ITPRIP: variants seen among roughly 807,000 people sequenced by gnomAD.
The protein encoded by ITPRIP is inositol 1,4,5-trisphosphate receptor-interacting protein.
A neutral mutation model predicts 35.8 loss-of-function variants in ITPRIP; 32 were observed. That is an observed-to-expected ratio of 0.89 (90% CI 0.68 to 1.20). ITPRIP has a LOEUF of 1.20. Among genes scored for constraint, ITPRIP ranks in the 50% most tolerant of loss-of-function variants. ITPRIP has a pLI of 0.00. For missense variants in ITPRIP, 653 were observed against 735.6 expected (o/e 0.89, Z 1.30); for synonymous variants, 358 against 324.0 (o/e 1.11, Z -1.13).
At chr10:104,331,048 G>A (rs2014137269) in intron 1 of ITPRIP, among the ~76,000 whole-genome samples, 1 of 152,236 alleles carries the variant, frequency 6.6e-6, no homozygotes, top group African/African-American at 2.4e-5. Context: ...GAACTTATGA[G>A]ACTCCTTCTA....
intron 1 of ITPRIP, among the ~76,000 whole-genome samples, chr10:104,321,592 A>G (rs535490991): frequency 6.6e-6 from 1 of 152,218 alleles, no homozygotes; most frequent in East Asian, 1.9e-4. Context: ...AGCTTAATCC[A>G]ATAAACACCA....
chr10:104,332,083 G>A (rs771755374), intron 1 of ITPRIP, among the ~76,000 whole-genome samples: 20 of 152,202 alleles, frequency 1.3e-4, no homozygotes, highest in African/African-American at 4.1e-4. Flanking sequence ...GTTGTTGTCC[G>A]TTTGGGGCAA....
chr10:104,332,851 G>A (rs140314906), intron 1 of ITPRIP, among the ~76,000 whole-genome samples: 195 of 152,284 alleles, frequency 1.3e-3, no homozygotes, highest in African/African-American at 4.3e-3. Flanking sequence ...ACTGTGAGAC[G>A]GGATTCCTAT....
intron 1 of ITPRIP, among the ~76,000 whole-genome samples, chr10:104,331,417 A>G (rs1035950955): frequency 1.3e-5 from 2 of 152,180 alleles, no homozygotes; most frequent in East Asian, 1.9e-4. Context: ...TTATGAGCAC[A>G]TGGTTTTGCA....
At position 104,315,896 on chromosome 10, in the gene ITPRIP, C is replaced by T. The variant is rs939824827; in HGVS notation, c.156G>A (p.Gln52=). Reference sequence around the variant, plus strand: ...GAGCCACCTCCTCCTCCAGGCGCAACTGCTCCAGCTGCAGCTTCTCCTGGT... The same window carrying T: ...GAGCCACCTCCTCCTCCAGGCGCAATTGCTCCAGCTGCAGCTTCTCCTGGT... The part of the protein sequence containing the change: ...QAHQEKLQLE[Q]LRLEEEVARL... Residue 52 remains glutamine (Q), a synonymous_variant, in exon 2 of 2, where the codon CAG becomes CAA. Coordinates refer to ENST00000337478, the MANE Select transcript of ITPRIP (RefSeq NM_001272013.2). The surrounding 1 kb of genome is among the most constrained non-coding windows in gnomAD (Gnocchi z 5.7). 6.2e-7 allele frequency: 1 copy of T among 1,613,844 alleles called. No homozygotes were observed. Among genetic ancestry groups the T allele is most frequent in the African/African-American group, 1.3e-5 (1 of 74,946 alleles).
chr10:104,329,475 A>T (rs2014106025), intron 1 of ITPRIP, among the ~76,000 whole-genome samples: 1 of 152,268 alleles, frequency 6.6e-6, no homozygotes, highest in African/African-American at 2.4e-5. Flanking sequence ...CGGGTGCTCC[A>T]CCGAGGCTGT....
intron 1 of ITPRIP, among the ~76,000 whole-genome samples, chr10:104,324,561 C>CT (rs2013939872): frequency 6.6e-6 from 1 of 152,196 alleles, no homozygotes; most frequent in Non-Finnish European, 1.5e-5. Context: ...CCCTCTCCCA[C>CT]TGGGCAGGAC....
chr10:104,330,846 A>C lies in ITPRIP; in HGVS notation c.-14+7400T>G, dbSNP rs1025594522. On this transcript the variant is annotated intron_variant, in intron 1 of 1. Coordinates refer to ENST00000337478, the MANE Select transcript of ITPRIP (RefSeq NM_001272013.2). ...CACTCACCAACATCATAGAGCCAGG[A>C]TCTGAATCCAAACCTATCTGACTTT... Among the ~76,000 whole-genome samples the C allele has an allele frequency of 6.8e-4, 104 of 152,256 alleles. 2 individuals carry two copies. The highest frequency in any genetic ancestry group is 2.9e-4 in the Non-Finnish European group (20 of 68,052).
Position 104,314,403 on chromosome 10 carries a change from A to G in ITPRIP, c.*5T>C. On this transcript the variant is annotated 3_prime_UTR_variant, in exon 2 of 2. Coordinates refer to ENST00000337478, the MANE Select transcript of ITPRIP (RefSeq NM_001272013.2). ...GCTCGAGGATCCCACATTCTGTAAA[A>G]GACGTCAGCTTTTTGGGGTAGGCTG... The G allele has an allele frequency of 6.2e-7, 1 of 1,601,704 alleles. No homozygotes were observed. Among genetic ancestry groups the G allele is most frequent in the East Asian group, 2.2e-5 (1 of 44,700 alleles).
intron 1 of ITPRIP, among the ~76,000 whole-genome samples, chr10:104,329,212 T>C (rs1388114169): frequency 6.6e-6 from 1 of 152,064 alleles, no homozygotes. Context: ...TTGCTTGTGC[T>C]CTGCTGCAAG....
intron 1 of ITPRIP, among the ~76,000 whole-genome samples, chr10:104,330,094 A>G (rs544987674): frequency 1.3e-5 from 2 of 152,144 alleles, no homozygotes; most frequent in African/African-American, 4.8e-5. Context: ...TACTCCCTCC[A>G]ATCTGGCATC....
At position 104,315,036 on chromosome 10, in the gene ITPRIP, C is replaced by G; in HGVS notation, c.1016G>C (p.Arg339Pro). Residue 339 changes from arginine to proline, a missense_variant, in exon 2 of 2, where the codon CGT (arginine) becomes CCT (proline). Physicochemically the swap from Arg to Pro is moderately radical, Grantham distance 103. Coordinates refer to ENST00000337478, the MANE Select transcript of ITPRIP (RefSeq NM_001272013.2). The surrounding 1 kb of genome is among the most constrained non-coding windows in gnomAD (Gnocchi z 5.7). ...GTTGAAGGGCATGAACTTCCCTGAA[C>G]GGAACTTGATCTTCAGGGACCCCGG... is the stretch of plus-strand genomic sequence containing the variant. ...DSPGSLKIKF[R>P]SGKFMPFNLI... 2 of 1,614,158 alleles carry G rather than the reference C, an allele frequency of 1.2e-6. No homozygotes were observed. Among genetic ancestry groups the G allele is most frequent in the Non-Finnish European group, 1.7e-6 (2 of 1,180,028 alleles).
At chr10:104,327,456 C>G (rs1054149657) in intron 1 of ITPRIP, among the ~76,000 whole-genome samples, 5 of 152,126 alleles carry the variant, frequency 3.3e-5, no homozygotes, top group African/African-American at 1.2e-4. Flanking sequence ...CCAGATAGCT[C>G]CTGCACCTCC....
intron 1 of ITPRIP, among the ~76,000 whole-genome samples, chr10:104,330,923 G>T (rs916421250): frequency 2.0e-5 from 3 of 152,308 alleles, no homozygotes; most frequent in Non-Finnish European, 4.4e-5. Context: ...CAGTGACCTG[G>T]TATCTGTGAA....
chr10:104,316,432 A>C (rs2013693299), intron 1 of ITPRIP, among the ~76,000 whole-genome samples: 1 of 152,164 alleles, frequency 6.6e-6, no homozygotes, highest in Admixed American at 6.5e-5. Flanking sequence ...CCGCCCAGCT[A>C]CAGCTAGAGC....
Position 104,328,149 on chromosome 10 carries a change from G to T in ITPRIP, c.-14+10097C>A. 1.1e-6 allele frequency: 1 copy of T among 873,528 alleles called. No individual in the cohort carries two copies. Among genetic ancestry groups the T allele is most frequent in the Non-Finnish European group, 1.4e-6 (1 of 727,944 alleles). The allele number at this position is 873,528 out of a possible 1,614,324, so 54.1% of individuals were successfully genotyped here. A position where few individuals can be genotyped will look rare whatever the true frequency, so the allele number is the denominator to read the frequency against. On this transcript the variant is annotated intron_variant, in intron 1 of 1. Coordinates refer to ENST00000337478, the MANE Select transcript of ITPRIP (RefSeq NM_001272013.2). The surrounding 1 kb of genome is among the most constrained non-coding windows in gnomAD (Gnocchi z 4.1). Reference sequence around the variant, plus strand: ...AGGAAGGATGCCTCTCCCACAGCCAGCCTGCAGGGGAAGGTCTCCCTCAGC... The same window carrying T: ...AGGAAGGATGCCTCTCCCACAGCCATCCTGCAGGGGAAGGTCTCCCTCAGC...
rs2013517214 is a variant in ITPRIP at position 104,312,657 on chromosome 10, T to C, written c.*1751A>G. 1.0e-6 allele frequency: 1 copy of C among 985,204 alleles called. No homozygotes were observed. Among genetic ancestry groups the C allele is most frequent in the African/African-American group, 1.7e-5 (1 of 57,186 alleles). The allele number at this position is 985,204 out of a possible 1,614,324, so 61.0% of individuals were successfully genotyped here. Reference sequence around the variant, plus strand: ...CCAGCTCACACTGGAAGGCTTCCTATAGGTTTGGTTGCCCTGATCACAGCC... The same window carrying C: ...CCAGCTCACACTGGAAGGCTTCCTACAGGTTTGGTTGCCCTGATCACAGCC... On this transcript the variant is annotated 3_prime_UTR_variant, in exon 2 of 2. Coordinates refer to ENST00000337478, the MANE Select transcript of ITPRIP (RefSeq NM_001272013.2).
chr10:104,321,635 T>C (rs1394922613), intron 1 of ITPRIP, among the ~76,000 whole-genome samples: 1 of 152,040 alleles, frequency 6.6e-6, no homozygotes, highest in East Asian at 1.9e-4. Context: ...AGCTCTCCCA[T>C]TTCTCGAGCC....
At position 104,314,108 on chromosome 10, in the gene ITPRIP, C is replaced by A; in HGVS notation, c.*300G>T. On this transcript the variant is annotated 3_prime_UTR_variant, in exon 2 of 2. Transcript: ENST00000337478. Reference sequence around the variant, plus strand: ...ATTTGCATTGTCTCTAACTCAGGGTCCACAGCGTGTTCTGCCACCATCTTG... The same window carrying A: ...ATTTGCATTGTCTCTAACTCAGGGTACACAGCGTGTTCTGCCACCATCTTG... The A allele has an allele frequency of 8.5e-7, 1 of 1,179,532 alleles. No homozygotes were observed. The highest frequency in any genetic ancestry group is 4.5e-5 in the East Asian group (1 of 22,184). 73.1% of individuals were successfully genotyped at this position (1,179,532 alleles called of 1,614,324 possible). A position where few individuals can be genotyped will look rare whatever the true frequency, so the allele number is the denominator to read the frequency against.
Sources: allele counts gnomAD v4.1 joint callset (sites outside exome capture counted in the v4.1 genomes callset), GRCh38; gene constraint gnomAD v4.1.1; non-coding constraint Gnocchi (gnomAD v3.1); transcripts MANE v1.5; gene names NCBI Gene and HGNC (gene_info 2026-07-23, HGNC 2026-07-21).